The following CNTN4 variants were observed in gnomAD, a reference collection of about 807,000 sequenced individuals.
The protein encoded by CNTN4 is contactin-4.
Under a neutral mutation model 122.5 loss-of-function variants are expected in CNTN4, and 77 were observed. The ratio of observed to expected loss-of-function variants is 0.63; its 90% CI spans 0.52 to 0.76. The LOEUF is 0.76. Among genes scored for constraint, CNTN4 ranks in the 30% least tolerant of loss-of-function variants. The probability of loss-of-function intolerance (pLI) is 0.00; values close to 1 mark genes in which losing one functional copy is unlikely to be tolerated. For synonymous variants in CNTN4, 512 were observed against 447.0 expected (o/e 1.15, Z -1.83); for missense variants, 1,256 against 1,259.1 (o/e 1.00, Z 0.04).
intron 3 of CNTN4, among the ~76,000 whole-genome samples, chr3:2,374,655 C>T (rs1166015713): frequency 6.6e-6 from 1 of 152,030 alleles, no homozygotes; most frequent in Non-Finnish European, 1.5e-5. Context: ...GAAAAAAAGG[C>T]CATGCTTCTA....
At chr3:2,521,558 C>A (rs974000533) in intron 3 of CNTN4, among the ~76,000 whole-genome samples, 4 of 152,022 alleles carry the variant, frequency 2.6e-5, no homozygotes, top group African/African-American at 9.7e-5. Context: ...AGTTTTACAA[C>A]TGCAAAGTGC....
chr3:2,460,549 C>T (rs1412129668), intron 3 of CNTN4, among the ~76,000 whole-genome samples: 1 of 152,090 alleles, frequency 6.6e-6, no homozygotes, highest in African/African-American at 2.4e-5. Context: ...TCTCCTCTGA[C>T]GTACATGACC....
intron 6 of CNTN4, among the ~76,000 whole-genome samples, chr3:2,817,893 C>T (rs75363501): frequency 0.087 from 13,273 of 152,256 alleles, 1,934 homozygotes; most frequent in African/African-American, 0.3. Context: ...GAAGGAATCT[C>T]AGACCATTTC....
intron 5 of CNTN4, among the ~76,000 whole-genome samples, chr3:2,737,066 G>T (rs932406647): frequency 4.1e-4 from 62 of 152,008 alleles, no homozygotes; most frequent in African/African-American, 1.5e-3. Flanking sequence ...TTACAAGCAT[G>T]AGCCACTGTG....
At chr3:2,467,196 G>C (rs2075534275) in intron 3 of CNTN4, among the ~76,000 whole-genome samples, 1 of 149,024 alleles carries the variant, frequency 6.7e-6, no homozygotes, top group Non-Finnish European at 1.5e-5. Context: ...AAATACCCAA[G>C]GGTATGAATA....
chr3:2,625,457 G>A (rs2082147417), intron 4 of CNTN4, among the ~76,000 whole-genome samples: 1 of 152,196 alleles, frequency 6.6e-6, no homozygotes, highest in South Asian at 2.1e-4. Context: ...GAAATTTCCA[G>A]AATGCTCCTC....
At chr3:2,276,793 G>T (rs569363284) in intron 2 of CNTN4, among the ~76,000 whole-genome samples, 1 of 152,102 alleles carries the variant, frequency 6.6e-6, no homozygotes, top group African/African-American at 2.4e-5. Flanking sequence ...GCGCGTGCTT[G>T]TGATCCCAGC....
chr3:2,570,907 G>C (rs574244490), intron 3 of CNTN4, among the ~76,000 whole-genome samples: 31 of 152,304 alleles, frequency 2.0e-4, no homozygotes, highest in African/African-American at 7.0e-4. Context: ...CATGTTAGAA[G>C]TGAAACACGG....
chr3:2,332,550 G>A (rs2043776194), intron 2 of CNTN4, among the ~76,000 whole-genome samples: 1 of 151,904 alleles, frequency 6.6e-6, no homozygotes, highest in African/African-American at 2.4e-5. Context: ...GTAGTATTAG[G>A]TGAGAAGAGT....
chr3:2,472,500 A>G (rs151234795), intron 3 of CNTN4, among the ~76,000 whole-genome samples: 5 of 152,312 alleles, frequency 3.3e-5, no homozygotes, highest in Non-Finnish European at 5.9e-5. Flanking sequence ...CGGCGTCCCA[A>G]AGTGCTGGGA....
chr3:2,996,521 TG>T (rs1695551898), intron 14 of CNTN4, among the ~76,000 whole-genome samples: 2 of 152,154 alleles, frequency 1.3e-5, no homozygotes, highest in African/African-American at 2.4e-5. Context: ...TCTTTTGTAA[TG>T]AATATTTACT....
intron 4 of CNTN4, among the ~76,000 whole-genome samples, chr3:2,620,351 T>A (rs11129218): frequency 0.47 from 71,184 of 151,558 alleles, 17,320 homozygotes; most frequent in Middle Eastern, 0.57. Flanking sequence ...ATACAAAAAA[T>A]AAGCCAGGCA....
chr3:2,120,012 A>G (rs2125191687), intron 2 of CNTN4, among the ~76,000 whole-genome samples: 1 of 152,206 alleles, frequency 6.6e-6, no homozygotes, highest in South Asian at 2.1e-4. Flanking sequence ...CCCAAACTTG[A>G]GATGGAGCTA....
chr3:2,463,060 G>A (rs570715601), intron 3 of CNTN4, among the ~76,000 whole-genome samples: 146 of 152,300 alleles, frequency 9.6e-4, no homozygotes, highest in African/African-American at 3.3e-3. Flanking sequence ...TTTAAGGAAT[G>A]AAGTTGTTGG....
chr3:2,172,992 C>G (rs963983332), intron 2 of CNTN4, among the ~76,000 whole-genome samples: 1 of 152,172 alleles, frequency 6.6e-6, no homozygotes, highest in Admixed American at 6.6e-5. Context: ...ATCAGAACAA[C>G]TATCAGTGAT....
At chr3:2,564,920 T>C (rs2079095491) in intron 3 of CNTN4, among the ~76,000 whole-genome samples, 2 of 152,152 alleles carry the variant, frequency 1.3e-5, no homozygotes, top group Admixed American at 6.5e-5. Context: ...GTAAGTGAAA[T>C]GATGATACAT....
At chr3:3,009,553 C>T in intron 14 of CNTN4, among the ~76,000 whole-genome samples, 1 of 150,202 alleles carries the variant, frequency 6.7e-6, no homozygotes, top group Non-Finnish European at 1.5e-5. Flanking sequence ...CCTGCCTCAG[C>T]TTCCCGAGTA....
chr3:2,382,785 A>T (rs978261611), intron 3 of CNTN4, among the ~76,000 whole-genome samples: 1 of 152,170 alleles, frequency 6.6e-6, no homozygotes. Flanking sequence ...ATTAAAAGTA[A>T]GATAAAGGCC....
At chr3:2,876,741 T>C (rs1343270844) in intron 8 of CNTN4, among the ~76,000 whole-genome samples, 1 of 152,208 alleles carries the variant, frequency 6.6e-6, no homozygotes, top group African/African-American at 2.4e-5. Flanking sequence ...ACTTTAATAA[T>C]TGTCCAGGTT....
Sources: gnomAD v4.1 joint callset for allele counts (sites outside exome capture counted in the v4.1 genomes callset) on GRCh38, gnomAD v4.1.1 for gene constraint, MANE v1.5 for transcripts, NCBI Gene and HGNC (gene_info 2026-07-23, HGNC 2026-07-21) for gene names.